SLC26A7: variants seen among roughly 807,000 people sequenced by gnomAD.
The protein encoded by SLC26A7 is anion exchange transporter.
In SLC26A7, 59 loss-of-function variants were observed where a neutral mutation model predicts 82.5. The observed-to-expected ratio is 0.72, with a 90% CI of 0.58 to 0.89. The LOEUF is 0.89. Ranked by LOEUF, SLC26A7 falls within the 40% of genes least tolerant of loss-of-function variation. SLC26A7 has a pLI of 0.00. For missense variants in SLC26A7, 820 were observed against 793.0 expected (o/e 1.03, Z -0.41); for synonymous variants, 271 against 274.3 (o/e 0.99, Z 0.12).
At chr8:91,373,771 A>G (rs1344661670) in intron 15 of SLC26A7, among the ~76,000 whole-genome samples, 1 of 152,014 alleles carries the variant, frequency 6.6e-6, no homozygotes, top group Admixed American at 6.6e-5. Flanking sequence ...CTCTTCCTCA[A>G]CTTTTTGGAA....
At chr8:91,349,284 A>G (rs948614264) in intron 9 of SLC26A7, among the ~76,000 whole-genome samples, 1 of 152,194 alleles carries the variant, frequency 6.6e-6, no homozygotes, top group Non-Finnish European at 1.5e-5. Context: ...TTACCATTTA[A>G]GGTAAACAAA....
chr8:91,370,199 T>G (rs538258357), intron 15 of SLC26A7, among the ~76,000 whole-genome samples: 1 of 145,358 alleles, frequency 6.9e-6, no homozygotes, highest in East Asian at 1.9e-4. Context: ...TATTTTCTCC[T>G]CCTTTCTCTC....
At chr8:91,332,587 G>T (rs1485939015) in intron 5 of SLC26A7, among the ~76,000 whole-genome samples, 3 of 150,286 alleles carry the variant, frequency 2.0e-5, no homozygotes, top group East Asian at 2.0e-4. Flanking sequence ...GAGTGTAGTG[G>T]TGCAATCATA....
intron 11 of SLC26A7, among the ~76,000 whole-genome samples, chr8:91,359,272 G>T (rs1328683253): frequency 6.6e-6 from 1 of 152,106 alleles, no homozygotes; most frequent in Non-Finnish European, 1.5e-5. Context: ...TATAGAACTT[G>T]TGAAATGATT....
intron 2 of SLC26A7, among the ~76,000 whole-genome samples, chr8:91,225,260 T>C (rs1810217366): frequency 6.6e-6 from 1 of 152,192 alleles, no homozygotes; most frequent in African/African-American, 2.4e-5. Flanking sequence ...GCTATAAGAA[T>C]CTGCGAGTTC....
At chr8:91,299,269 C>G (rs1045245246) in intron 4 of SLC26A7, among the ~76,000 whole-genome samples, 5 of 151,878 alleles carry the variant, frequency 3.3e-5, no homozygotes, top group African/African-American at 9.7e-5. Context: ...TGTACTTTGA[C>G]TTTATTTTAC....
chr8:91,220,465 C>T (rs1167812148), intron 2 of SLC26A7, among the ~76,000 whole-genome samples: 1 of 151,586 alleles, frequency 6.6e-6, no homozygotes. Flanking sequence ...GGTGGTTTGC[C>T]GCCCCTATTG....
chr8:91,320,337 G>T (rs1380941360), intron 5 of SLC26A7, among the ~76,000 whole-genome samples: 1 of 152,128 alleles, frequency 6.6e-6, no homozygotes. Context: ...TTTTTGGACT[G>T]CTGGCTTTAA....
At chr8:91,293,775 A>G (rs1275560822) in intron 3 of SLC26A7, among the ~76,000 whole-genome samples, 3 of 152,212 alleles carry the variant, frequency 2.0e-5, no homozygotes, top group Admixed American at 1.3e-4. Context: ...TGGCTTTTGT[A>G]CAAAACATTT....
chr8:91,288,528 G>T (rs1811772326), intron 2 of SLC26A7, among the ~76,000 whole-genome samples: 1 of 152,142 alleles, frequency 6.6e-6, no homozygotes, highest in Non-Finnish European at 1.5e-5. Context: ...AAGAAAAGTT[G>T]ATTTCTTTTT....
At chr8:91,231,168 G>T (rs1051065435) in intron 2 of SLC26A7, among the ~76,000 whole-genome samples, 1 of 152,172 alleles carries the variant, frequency 6.6e-6, no homozygotes, top group Admixed American at 6.5e-5. Context: ...GGGAAATTAA[G>T]GATGCTAACT....
chr8:91,232,524 A>C (rs754975876), intron 2 of SLC26A7, among the ~76,000 whole-genome samples: 18 of 152,242 alleles, frequency 1.2e-4, no homozygotes, highest in Non-Finnish European at 2.2e-4. Context: ...TTTCCAGGGC[A>C]TGTGCCCCAT....
At chr8:91,249,114 A>G (rs574763433), upstream of SLC26A7, among the ~76,000 whole-genome samples, 2 of 152,240 alleles carry the variant, frequency 1.3e-5, no homozygotes, top group African/African-American at 4.8e-5. Flanking sequence ...CTCTGAATAT[A>G]TTTTGCACAA....
chr8:91,333,507 C>T (rs1337002533), intron 5 of SLC26A7, among the ~76,000 whole-genome samples: 1 of 152,090 alleles, frequency 6.6e-6, no homozygotes, highest in Non-Finnish European at 1.5e-5. Context: ...GAACATTTTC[C>T]CAGGTTTCTT....
chr8:91,368,364 T>C (rs1034943026), intron 14 of SLC26A7, among the ~76,000 whole-genome samples: 1 of 152,070 alleles, frequency 6.6e-6, no homozygotes, highest in African/African-American at 2.4e-5. Context: ...GGGTCGAATA[T>C]CTACATAAAT....
intron 3 of SLC26A7, among the ~76,000 whole-genome samples, chr8:91,294,246 TATG>T (rs1303493555): frequency 1.3e-5 from 2 of 152,232 alleles, no homozygotes. Flanking sequence ...TGTCATCTTC[TATG>T]ATATGTGCTA....
chr8:91,333,525 C>A (rs976322103), intron 5 of SLC26A7, among the ~76,000 whole-genome samples: 5 of 151,798 alleles, frequency 3.3e-5, no homozygotes, highest in African/African-American at 9.7e-5. Context: ...CTTCATTTAC[C>A]CCCTCTATCA....
chr8:91,246,308 A>G (rs1810543255), upstream of SLC26A7, among the ~76,000 whole-genome samples: 1 of 152,192 alleles, frequency 6.6e-6, no homozygotes, highest in Admixed American at 6.5e-5. Flanking sequence ...ATCCCTACTC[A>G]AAAGGAATGT....
At chr8:91,250,703 C>A (rs558423922) in intron 2 of SLC26A7, among the ~76,000 whole-genome samples, 1 of 152,206 alleles carries the variant, frequency 6.6e-6, no homozygotes, top group Non-Finnish European at 1.5e-5. Flanking sequence ...AGTTTCACTA[C>A]CTCCTTGGCT....
Sources: gnomAD v4.1 joint callset for allele counts (sites outside exome capture counted in the v4.1 genomes callset) on GRCh38, gnomAD v4.1.1 for gene constraint, MANE v1.5 for transcripts, NCBI Gene and HGNC (gene_info 2026-07-23, HGNC 2026-07-21) for gene names.